Variants in FBH1 observed in about 807,000 individuals in gnomAD.
FBH1 encodes F-box DNA helicase 1.
Under a neutral mutation model 115.5 loss-of-function variants are expected in FBH1, and 43 were observed. The ratio of observed to expected loss-of-function variants is 0.37; its 90% CI spans 0.29 to 0.48. FBH1 has a LOEUF of 0.48. FBH1 is among the 20% of genes least tolerant of loss of function. The pLI is 0.99. For synonymous variants in FBH1, 524 were observed against 507.8 expected (o/e 1.03, Z -0.43); for missense variants, 1,001 against 1,337.3 (o/e 0.75, Z 3.92).
chr10:5,903,288 A>AT, intron 2 of FBH1, 113 bp downstream of exon 2: 1 of 747,416 alleles, frequency 1.3e-6, no homozygotes, highest in South Asian at 3.5e-5. Flanking sequence ...TGTAGTCTTC[A>AT]TGCAATAGCT....
rs771468349 is a variant in FBH1, at chr10:5,900,689, A to G, written c.2-2331A>G. On this transcript the variant is annotated intron_variant, in intron 1 of 20. Coordinates refer to ENST00000362091, the MANE Select transcript of FBH1 (RefSeq NM_178150.3). The surrounding 1 kb of genome is among the most constrained non-coding windows in gnomAD (Gnocchi z 4.2). ...GCTGGTATTAAACCTTGAAAAAGTT[A>G]ACTGAAATTTGGAAGGGTGATTTCT... Among the ~76,000 whole-genome samples, 9 of 152,212 alleles carry G rather than the reference A, an allele frequency of 5.9e-5. No individual in the cohort carries two copies. Among genetic ancestry groups the G allele is most frequent in the African/African-American group, 1.4e-4 (6 of 41,456 alleles).
rs534483059 is a variant in FBH1 at position 5,911,154 on chromosome 10, G to A, written c.1211+26G>A. On this transcript the variant is annotated intron_variant, in intron 6 of 20. Coordinates refer to ENST00000362091, the MANE Select transcript of FBH1 (RefSeq NM_178150.3). This position sits in a 1 kb window ranked among gnomAD's most constrained non-coding sequence, Gnocchi z 5.4. Reference sequence around the variant, plus strand: ...GTAATGCCCCGGGAGGAGGGGAGGGGATGCTGTGATAATGGGAGAGTCCCA... The same window carrying A: ...GTAATGCCCCGGGAGGAGGGGAGGGAATGCTGTGATAATGGGAGAGTCCCA... The A allele has an allele frequency of 6.3e-7, 1 of 1,592,044 alleles. No individual in the cohort carries two copies. The highest frequency in any genetic ancestry group is 1.1e-5 in the South Asian group (1 of 88,876).
chr10:5,908,046 G>C (rs899100948), intron 3 of FBH1, among the ~76,000 whole-genome samples: 1 of 152,176 alleles, frequency 6.6e-6, no homozygotes, highest in African/African-American at 2.4e-5. Context: ...GTGTTGTTCA[G>C]ATCCTCTGTT....
rs1351870899 is a variant in FBH1, at chr10:5,925,514, T to C, written c.2722+22T>C. The C allele has an allele frequency of 2.4e-5, 39 of 1,612,672 alleles. No homozygotes were observed. The East Asian group carries it at 8.7e-4, about 36-fold the overall frequency. On this transcript the variant is annotated intron_variant, in intron 18 of 20. Coordinates refer to ENST00000362091, the MANE Select transcript of FBH1 (RefSeq NM_178150.3). This position sits in a 1 kb window ranked among gnomAD's most constrained non-coding sequence, Gnocchi z 4.6. ...GTTGGTAAGAGGCCGCCGGGTAGTG[T>C]CAGGTGCTGCTGTATGTAGTGAGTG... is the stretch of plus-strand genomic sequence containing the variant.
chr10:5,930,406 T>C (rs1456824318), intron 19 of FBH1, among the ~76,000 whole-genome samples: 1 of 152,234 alleles, frequency 6.6e-6, no homozygotes, highest in Non-Finnish European at 1.5e-5. Context: ...TCATTCGTCC[T>C]ACAGAGCGTC....
In FBH1 at chr10:5,918,392, G is replaced by C. The variant is rs1465690901; in HGVS notation, c.2014G>C (p.Asp672His). 1.9e-6 allele frequency: 3 copies of C among 1,613,508 alleles called. No homozygotes were observed. Among genetic ancestry groups the C allele is most frequent in the Non-Finnish European group, 2.5e-6 (3 of 1,179,820 alleles). ...SQPCGKIFVG[D>H]PHQQIYTFRG... ...GCCATGTGGGAAAATCTTTGTAGGG[G>C]ACCCGCACCAGCAGATCTATACCTT... is the stretch of plus-strand genomic sequence containing the variant. The change falls in exon 13 of 21, where the codon GAC (aspartate) becomes CAC (histidine). Residue 672 changes from aspartate (D) to histidine (H), a missense_variant. By Grantham distance (81) the Asp-to-His change is moderately conservative (BLOSUM62 -1). Around this residue, in one of 4 missense-constraint regions of FBH1, gnomAD observed 521 missense variants for 811.0 expected, o/e 0.64. Transcript: ENST00000362091. The surrounding 1 kb of genome is among the most constrained non-coding windows in gnomAD (Gnocchi z 4.0).
intron 13 of FBH1, among the ~76,000 whole-genome samples, chr10:5,919,494 A>G (rs1253460361): frequency 6.6e-6 from 1 of 152,154 alleles, no homozygotes; most frequent in African/African-American, 2.4e-5. Flanking sequence ...TTAAAAAAAA[A>G]TAGTTTTTAA....
Position 5,937,228 on chromosome 10 carries a change from TGGA to T in FBH1, c.3082_3084del (p.Glu1028del). On this transcript the variant is annotated inframe_deletion, in exon 21 of 21. Transcript: ENST00000362091. ...CAGGTGCGCGCCATGGAGCGCACTG[TGGA>T]GAACATCGTACTGCCCCGGCATGAG... The T allele has an allele frequency of 6.2e-7, 1 of 1,613,610 alleles. No homozygotes were observed. Among genetic ancestry groups the T allele is most frequent in the Non-Finnish European group, 8.5e-7 (1 of 1,179,774 alleles).
At chr10:5,928,148 C>CTTTTTTT (rs753773157) in intron 19 of FBH1, among the ~76,000 whole-genome samples, 1 of 114,898 alleles carries the variant, frequency 8.7e-6, no homozygotes, top group Non-Finnish European at 1.7e-5. Context: ...TCAATTAGTT[C>CTTTTTTT]TTTTTTTTTT....
Position 5,913,656 on chromosome 10 carries a change from T to C in FBH1, c.1212-91T>C, listed in dbSNP as rs986850415. The C allele has an allele frequency of 4.8e-6, 4 of 839,668 alleles. No individual in the cohort carries two copies. Among genetic ancestry groups the C allele is most frequent in the African/African-American group, 3.6e-5 (2 of 56,186 alleles). 52.0% of individuals were successfully genotyped at this position (839,668 alleles called of 1,614,324 possible). A position where few individuals can be genotyped will look rare whatever the true frequency, so the allele number is the denominator to read the frequency against. ...GTGGTAGGTATTTTCTTTTTAGAAA[T>C]GGGAAGGAGTTTAAATCCATCTGAG... On this transcript the variant is annotated intron_variant, in intron 6 of 20. Coordinates refer to ENST00000362091, the MANE Select transcript of FBH1 (RefSeq NM_178150.3). This position sits in a 1 kb window ranked among gnomAD's most constrained non-coding sequence, Gnocchi z 4.4.
chr10:5,918,596 C>T lies in FBH1; in HGVS notation c.2100+118C>T. On this transcript the variant is annotated intron_variant, in intron 13 of 20. Transcript: ENST00000362091. This position sits in a 1 kb window ranked among gnomAD's most constrained non-coding sequence, Gnocchi z 4.0. Reference sequence around the variant, plus strand: ...ATCTAGCAAATCCTTGCTTCTAAGCCATGGTTCTCAAAGTGTGGTTCTCAG... The same window carrying T: ...ATCTAGCAAATCCTTGCTTCTAAGCTATGGTTCTCAAAGTGTGGTTCTCAG... 1 of 1,303,476 alleles carries T rather than the reference C, an allele frequency of 7.7e-7. No individual in the cohort carries two copies. The highest frequency in any genetic ancestry group is 2.7e-5 in the East Asian group (1 of 36,746). 80.7% of individuals were successfully genotyped at this position (1,303,476 alleles called of 1,614,324 possible).
In FBH1 at chr10:5,932,529, C is replaced by T. The variant is rs115960277; in HGVS notation, c.2830-3927C>T. 6.7e-4 allele frequency among the ~76,000 whole-genome samples: 102 copies of T among 152,290 alleles called. No individual in the cohort carries two copies. Among genetic ancestry groups the T allele is most frequent in the African/African-American group, 2.3e-3 (94 of 41,560 alleles). On this transcript the variant is annotated intron_variant, in intron 19 of 20. Coordinates refer to ENST00000362091, the MANE Select transcript of FBH1 (RefSeq NM_178150.3). This position sits in a 1 kb window ranked among gnomAD's most constrained non-coding sequence, Gnocchi z 5.9. ...TCAGCTGCATAGTGTTCTGTGTTGACGCACTGTGATTTATGCCGTTCTCGC... is the reference window on the plus strand; with the variant it reads ...TCAGCTGCATAGTGTTCTGTGTTGATGCACTGTGATTTATGCCGTTCTCGC...
intron 9 of FBH1, 118 bp from the exon 10 acceptor site, chr10:5,916,116 C>G (rs1831921888): frequency 4.6e-6 from 4 of 877,744 alleles, no homozygotes; most frequent in Non-Finnish European, 7.1e-6. Context: ...AACATTAACA[C>G]TCGCCTGTGT....
rs1346445006 is a variant in FBH1, at chr10:5,936,904, T to TG, written c.2962-205dup. On this transcript the variant is annotated intron_variant, in intron 20 of 20. Transcript: ENST00000362091. This position sits in a 1 kb window ranked among gnomAD's most constrained non-coding sequence, Gnocchi z 5.6. ...TCTTGACTGGATAAATGACTGTTTCTGAGCTCAGGGAATTTGGGGGTGTTG... is the reference window on the plus strand; with the variant it reads ...TCTTGACTGGATAAATGACTGTTTCTGGAGCTCAGGGAATTTGGGGGTGTTG... The TG allele has an allele frequency of 1.6e-6, 1 of 625,926 alleles. No homozygotes were observed. The highest frequency in any genetic ancestry group is 1.8e-5 in the African/African-American group (1 of 54,308). The allele number at this position is 625,926 out of a possible 1,614,324, so 38.8% of individuals were successfully genotyped here.
At chr10:5,894,462 C>A (rs12781700) in intron 1 of FBH1, 10 of 1,449,180 alleles carry the variant, frequency 6.9e-6, no homozygotes, top group African/African-American at 5.6e-5. Flanking sequence ...GTCAGGAGAC[C>A]CGGGTTCTTG....
At chr10:5,904,526 G>C (rs1442889638) in intron 2 of FBH1, among the ~76,000 whole-genome samples, 1 of 152,156 alleles carries the variant, frequency 6.6e-6, no homozygotes, top group African/African-American at 2.4e-5. Flanking sequence ...TGACATCTCA[G>C]TGACTGTGGG....
At chr10:5,908,223 A>C (rs373123362) in intron 3 of FBH1, among the ~76,000 whole-genome samples, 1 of 152,130 alleles carries the variant, frequency 6.6e-6, no homozygotes. Flanking sequence ...TATAGTTATT[A>C]TATCTTCTTG....
Position 5,906,700 on chromosome 10 carries a change from T to A in FBH1, c.753+68T>A. ...CGTAACTTTGCTTAATGCACGCTTA[T>A]AATCAGAGGATCTTTTCAGAAATGG... is the stretch of plus-strand genomic sequence containing the variant. On this transcript the variant is annotated intron_variant, in intron 3 of 20. Coordinates refer to ENST00000362091, the MANE Select transcript of FBH1 (RefSeq NM_178150.3). The surrounding 1 kb of genome is among the most constrained non-coding windows in gnomAD (Gnocchi z 7.3). The A allele has an allele frequency of 5.5e-6, 7 of 1,267,558 alleles. No individual in the cohort carries two copies. The highest frequency in any genetic ancestry group is 7.7e-6 in the Non-Finnish European group (7 of 910,008). 78.5% of individuals were successfully genotyped at this position (1,267,558 alleles called of 1,614,324 possible). A position where few individuals can be genotyped will look rare whatever the true frequency, so the allele number is the denominator to read the frequency against.
chr10:5,922,368 G>C (rs1832366792), intron 15 of FBH1, among the ~76,000 whole-genome samples: 1 of 151,984 alleles, frequency 6.6e-6, no homozygotes, highest in South Asian at 2.1e-4. Flanking sequence ...GCAATTGTAG[G>C]GTACACAGAA....
Sources: allele counts gnomAD v4.1 joint callset (sites outside exome capture counted in the v4.1 genomes callset), GRCh38; gene constraint gnomAD v4.1.1; regional missense constraint gnomAD v4.1.1; non-coding constraint Gnocchi (gnomAD v3.1); transcripts MANE v1.5; gene names NCBI Gene and HGNC (gene_info 2026-07-23, HGNC 2026-07-21).